NT5C2: variants seen among roughly 807,000 people sequenced by gnomAD.
The protein encoded by NT5C2 is 5'-nucleotidase, cytosolic II, also known as cytosolic purine 5'-nucleotidase.
Under a neutral mutation model 76.1 loss-of-function variants are expected in NT5C2, and 58 were observed. The ratio of observed to expected loss-of-function variants is 0.76; its 90% CI spans 0.62 to 0.95. NT5C2 has a LOEUF of 0.95. Among genes scored for constraint, NT5C2 ranks in the 40% least tolerant of loss-of-function variants. The probability of loss-of-function intolerance (pLI) is 0.00; values close to 1 mark genes in which losing one functional copy is unlikely to be tolerated. For synonymous variants in NT5C2, 229 were observed against 237.4 expected (o/e 0.96, Z 0.32); for missense variants, 478 against 690.3 (o/e 0.69, Z 3.45).
intron 2 of NT5C2, among the ~76,000 whole-genome samples, chr10:103,179,096 G>A (rs529561119): frequency 4.0e-5 from 6 of 151,210 alleles, no homozygotes; most frequent in Non-Finnish European, 5.9e-5. Context: ...TTACAGGCAC[G>A]CACCACCTTG....
chr10:103,192,287 C>T (rs2092696913), intron 1 of NT5C2, among the ~76,000 whole-genome samples: 1 of 152,126 alleles, frequency 6.6e-6, no homozygotes, highest in Non-Finnish European at 1.5e-5. Context: ...CGCACACACC[C>T]CCCTGTAATG....
At chr10:103,112,790 A>T (rs7899084) in intron 4 of NT5C2, among the ~76,000 whole-genome samples, 62,377 of 152,072 alleles carry the variant, frequency 0.41, 13,003 homozygotes, top group East Asian at 0.56. Context: ...ATGTTATAAG[A>T]ATGATCAACA....
chr10:103,128,125 A>G (rs899251698), intron 4 of NT5C2, among the ~76,000 whole-genome samples: 12 of 147,568 alleles, frequency 8.1e-5, no homozygotes, highest in Admixed American at 1.4e-4. Context: ...TCTCATGCGG[A>G]GCCGAAGCTG....
chr10:103,107,186 T>C (rs1209859018), intron 4 of NT5C2, among the ~76,000 whole-genome samples: 1 of 152,228 alleles, frequency 6.6e-6, no homozygotes, highest in Non-Finnish European at 1.5e-5. Context: ...TTGGAATTCC[T>C]GTTTGGCTTG....
intron 3 of NT5C2, among the ~76,000 whole-genome samples, chr10:103,167,438 G>T (rs959025926): frequency 6.6e-6 from 1 of 151,994 alleles, no homozygotes; most frequent in Admixed American, 6.6e-5. Context: ...CTGAATATTT[G>T]AACCAATACT....
chr10:103,159,305 TAAAC>T (rs1366910701), intron 3 of NT5C2, among the ~76,000 whole-genome samples: 1 of 141,796 alleles, frequency 7.1e-6, no homozygotes, highest in Non-Finnish European at 1.5e-5. Flanking sequence ...TTAGAGCTAA[TAAAC>T]AAGTTCAGCA....
intron 4 of NT5C2, among the ~76,000 whole-genome samples, chr10:103,109,868 C>T (rs1365793473): frequency 6.6e-6 from 1 of 152,130 alleles, no homozygotes; most frequent in African/African-American, 2.4e-5. Flanking sequence ...TCTCAAATCC[C>T]CATTTTGACA....
chr10:103,161,217 A>G (rs1215767130), intron 3 of NT5C2, among the ~76,000 whole-genome samples: 1 of 152,208 alleles, frequency 6.6e-6, no homozygotes, highest in African/African-American at 2.4e-5. Context: ...TCCCTCTGTC[A>G]TCCAGGCTGG....
intron 4 of NT5C2, among the ~76,000 whole-genome samples, chr10:103,131,786 G>A (rs140318146): frequency 1.9e-3 from 283 of 152,274 alleles, no homozygotes; most frequent in African/African-American, 6.0e-3. Flanking sequence ...TCTGGGCATG[G>A]TGGCTTGCAC....
At chr10:103,163,294 T>C (rs1286024661) in intron 3 of NT5C2, among the ~76,000 whole-genome samples, 4 of 152,176 alleles carry the variant, frequency 2.6e-5, no homozygotes, top group Non-Finnish European at 5.9e-5. Context: ...AGGGTAAATA[T>C]CTAGGAGTGG....
At chr10:103,112,987 A>G (rs2073426151) in intron 4 of NT5C2, among the ~76,000 whole-genome samples, 1 of 152,162 alleles carries the variant, frequency 6.6e-6, no homozygotes, top group African/African-American at 2.4e-5. Flanking sequence ...CTCCTAACAC[A>G]TTAAATAGAC....
At chr10:103,170,927 TTA>T (rs2087807102) in intron 3 of NT5C2, among the ~76,000 whole-genome samples, 1 of 152,156 alleles carries the variant, frequency 6.6e-6, no homozygotes, top group Non-Finnish European at 1.5e-5. Context: ...AATTAATACT[TTA>T]TAGTGTAAAG....
At chr10:103,123,910 C>CTA (rs1302383381) in intron 4 of NT5C2, among the ~76,000 whole-genome samples, 4 of 152,110 alleles carry the variant, frequency 2.6e-5, no homozygotes, top group Non-Finnish European at 5.9e-5. Flanking sequence ...GTTAGAAATA[C>CTA]TATAGTTTCA....
chr10:103,098,359 C>T (rs868302167), intron 10 of NT5C2: 9 of 241,002 alleles, frequency 3.7e-5, no homozygotes, highest in Middle Eastern at 1.4e-3. Context: ...TTAAAGCTTT[C>T]CTCATTACTC....
chr10:103,091,661 G>T, intron 15 of NT5C2, 46 bp from the exon 16 acceptor site: 1 of 1,508,882 alleles, frequency 6.6e-7, no homozygotes, highest in Non-Finnish European at 9.2e-7. Flanking sequence ...AAATAAATAA[G>T]CACCTAGTTC....
intron 3 of NT5C2, among the ~76,000 whole-genome samples, chr10:103,170,222 A>G (rs1386677188): frequency 6.6e-6 from 1 of 152,170 alleles, no homozygotes; most frequent in Non-Finnish European, 1.5e-5. Flanking sequence ...TGGCAGGTGG[A>G]TTGCTTAAGC....
chr10:103,102,894 C>T (rs1227744306), intron 6 of NT5C2, among the ~76,000 whole-genome samples: 5 of 151,420 alleles, frequency 3.3e-5, no homozygotes, highest in African/African-American at 7.3e-5. Context: ...CATCTACGTA[C>T]AGATACTAGA....
Position 103,094,792 on chromosome 10 carries a change from G to A in NT5C2, c.814-337C>T, listed in dbSNP as rs1475062099. On this transcript the variant is annotated intron_variant, in intron 12 of 18. Coordinates refer to ENST00000404739, the MANE Select transcript of NT5C2 (RefSeq NM_001351169.2). ...AGCTACTTGGGAGGCTGAGGCTCGAGAATCGCTTGAACCTAGGAGGGGGAG... is the reference window on the plus strand; with the variant it reads ...AGCTACTTGGGAGGCTGAGGCTCGAAAATCGCTTGAACCTAGGAGGGGGAG... 3.3e-5 allele frequency among the ~76,000 whole-genome samples: 5 copies of A among 150,436 alleles called. No individual in the cohort carries two copies. In the Admixed American group the frequency reaches 3.3e-4, roughly 10 times the overall value.
intron 18 of NT5C2, 33 bp from the exon 19 acceptor site, chr10:103,089,941 A>G: frequency 6.5e-7 from 1 of 1,547,462 alleles, no homozygotes; most frequent in Non-Finnish European, 8.7e-7. Context: ...CTCAGAAAGC[A>G]GGCAGAGCAA....
Sources: allele counts gnomAD v4.1 joint callset (sites outside exome capture counted in the v4.1 genomes callset), GRCh38; gene constraint gnomAD v4.1.1; transcripts MANE v1.5; gene names NCBI Gene and HGNC (gene_info 2026-07-23, HGNC 2026-07-21).